Variants in MBNL3 observed in about 807,000 individuals in gnomAD.
MBNL3 encodes muscleblind-like protein 3.
MBNL3 carries 6 observed loss-of-function variants against 24.5 expected under a neutral mutation model. The observed-to-expected ratio is 0.25, with a 90% CI of 0.13 to 0.48. The LOEUF (loss-of-function observed/expected upper bound fraction) is 0.48, where lower values mean the gene tolerates loss of function less well. Ranked by LOEUF, MBNL3 falls within the 20% of genes least tolerant of loss-of-function variation. The probability of loss-of-function intolerance (pLI) is 0.99; values close to 1 mark genes in which losing one functional copy is unlikely to be tolerated. For synonymous variants in MBNL3, 100 were observed against 101.7 expected (o/e 0.98, Z 0.10); for missense variants, 230 against 293.5 (o/e 0.78, Z 1.58).
chrX:132,439,788 A>G lies in MBNL3; in HGVS notation c.-177T>C. ...AGTCAAATCTGGTCTAGTCAAACAA[A>G]AAGCCAATCATAAAAACTATCAGAA... On this transcript the variant is annotated 5_prime_UTR_variant, in exon 2 of 9. Coordinates refer to ENST00000370853, the MANE Select transcript of MBNL3 (RefSeq NM_001386889.1). 1.5e-6 allele frequency: 1 copy of G among 660,576 alleles called. No homozygotes were observed. The highest frequency in any genetic ancestry group is 2.0e-6 in the Non-Finnish European group (1 of 497,292). 54.4% of individuals were successfully genotyped at this position (660,576 alleles called of 1,213,427 possible). A position where few individuals can be genotyped will look rare whatever the true frequency, so the allele number is the denominator to read the frequency against.
intron 2 of MBNL3, chrX:132,432,167 C>T (rs181592849): frequency 4.5e-4 from 50 of 111,207 alleles, no homozygotes; most frequent in African/African-American, 1.6e-3. Context: ...TATATTTGCT[C>T]ATATGTATAT....
Position 132,378,007 on chromosome X carries a change from A to T in MBNL3, c.*1659T>A, listed in dbSNP as rs189773953. The T allele has an allele frequency of 9.0e-6, 1 of 110,596 alleles. No homozygotes were observed. The highest frequency in any genetic ancestry group is 2.8e-4 in the East Asian group (1 of 3,523). 9.1% of individuals were successfully genotyped at this position (110,596 alleles called of 1,213,427 possible). A position where few individuals can be genotyped will look rare whatever the true frequency, so the allele number is the denominator to read the frequency against. The stretch of plus-strand genomic sequence containing the variant: ...TTATTTGGTTGTAAAATTCTTTCAT[A>T]AATATTAGTAATGTGAACTCAGCTG... On this transcript the variant is annotated 3_prime_UTR_variant, in exon 9 of 9. Coordinates refer to ENST00000370853, the MANE Select transcript of MBNL3 (RefSeq NM_001386889.1).
At chrX:132,450,615 C>G (rs1893281291) in intron 1 of MBNL3, among the ~76,000 whole-genome samples, 1 of 112,190 alleles carries the variant, frequency 8.9e-6, no homozygotes, top group Non-Finnish European at 1.9e-5. Context: ...AGAACATGCT[C>G]CGTTAGCTTG....
chrX:132,480,237 G>A (rs923887781), intron 1 of MBNL3, among the ~76,000 whole-genome samples: 5 of 111,734 alleles, frequency 4.5e-5, no homozygotes, highest in African/African-American at 1.3e-4. Flanking sequence ...CACTCTTCAT[G>A]TATATTATTT....
intron 6 of MBNL3, 44 bp downstream of exon 6, chrX:132,386,617 C>T (rs141805193): frequency 8.3e-7 from 1 of 1,201,136 alleles, no homozygotes; most frequent in South Asian, 1.8e-5. Context: ...TATACATTCA[C>T]AACATCACCA....
At chrX:132,484,437 GAATA>G (rs1484487207) in intron 1 of MBNL3, among the ~76,000 whole-genome samples, 1 of 112,112 alleles carries the variant, frequency 8.9e-6, no homozygotes, top group Admixed American at 9.4e-5. Flanking sequence ...TCTGCTTAAT[GAATA>G]GTTACTGGTA....
Position 132,406,260 on chromosome X carries a change from G to A in MBNL3, c.310C>T (p.Leu104Phe), listed in dbSNP as rs1416535737. ...GACATTTGAGCGTTTTGGAGCATAAGCTGCATCTGCTGGGCGAACATGGCT... is the reference window on the plus strand; with the variant it reads ...GACATTTGAGCGTTTTGGAGCATAAACTGCATCTGCTGGGCGAACATGGCT... ...AAAMFAQQMQ[L>F]MLQNAQMSSL... The change falls in exon 3 of 9, where the codon CTT becomes TTT. Residue 104 changes from leucine to phenylalanine, a missense_variant. Transcript: ENST00000370853. 2 of 1,211,534 alleles carry A rather than the reference G, an allele frequency of 1.7e-6. No homozygotes were observed. The highest frequency in any genetic ancestry group is 2.3e-4 in the Middle Eastern group (1 of 4,351).
At chrX:132,467,082 C>T (rs1267484680) in intron 1 of MBNL3, among the ~76,000 whole-genome samples, 1 of 111,590 alleles carries the variant, frequency 9.0e-6, no homozygotes, top group Non-Finnish European at 1.9e-5. Flanking sequence ...ACTACTACCA[C>T]ACATTCAAAT....
intron 2 of MBNL3, among the ~76,000 whole-genome samples, chrX:132,423,667 T>C (rs1944034657): frequency 9.1e-6 from 1 of 110,277 alleles, no homozygotes; most frequent in South Asian, 3.8e-4. Context: ...CCCTTTCTCC[T>C]TTTTTCCTAA....
chrX:132,396,326 A>C (rs1423256784), intron 3 of MBNL3, among the ~76,000 whole-genome samples: 4 of 64,607 alleles, frequency 6.2e-5, no homozygotes, highest in Non-Finnish European at 1.0e-4. Context: ...ATATATATTC[A>C]TATATATTCA....
chrX:132,476,848 G>C (rs1947466737), intron 1 of MBNL3, among the ~76,000 whole-genome samples: 1 of 111,230 alleles, frequency 9.0e-6, no homozygotes, highest in Admixed American at 9.6e-5. Context: ...CCAAAACAAT[G>C]ACTAATTTTG....
chrX:132,399,210 A>C (rs1940396772), intron 3 of MBNL3, among the ~76,000 whole-genome samples: 1 of 112,007 alleles, frequency 8.9e-6, no homozygotes, highest in Non-Finnish European at 1.9e-5. Context: ...GAAATTGAAT[A>C]AATCCTTCAG....
At chrX:132,390,106 T>C (rs1936854487) in intron 5 of MBNL3, among the ~76,000 whole-genome samples, 1 of 107,851 alleles carries the variant, frequency 9.3e-6, no homozygotes, top group South Asian at 4.2e-4. Flanking sequence ...GGCTAGAGAA[T>C]TGCTTGAACC....
chrX:132,390,649 T>C (rs192394660), intron 5 of MBNL3, among the ~76,000 whole-genome samples, 198 bp downstream of exon 5: 1 of 111,933 alleles, frequency 8.9e-6, no homozygotes, highest in Admixed American at 9.5e-5. Context: ...AGTAAGGCTT[T>C]TAAATAATTA....
Position 132,450,395 on chromosome X carries a change from C to T in MBNL3, c.-703-10081G>A, listed in dbSNP as rs770059287. Among the ~76,000 whole-genome samples, 8 of 111,358 alleles carry T rather than the reference C, an allele frequency of 7.2e-5. No homozygotes were observed. In the South Asian group the frequency reaches 1.1e-3, roughly 16 times the overall value. ...TCTTTTTTCTCTAATCTTGTCTTCACGCTTTATTTCATTAAGTTGATCTTC... is the reference window on the plus strand; with the variant it reads ...TCTTTTTTCTCTAATCTTGTCTTCATGCTTTATTTCATTAAGTTGATCTTC... On this transcript the variant is annotated intron_variant, in intron 1 of 8. Coordinates refer to ENST00000370853, the MANE Select transcript of MBNL3 (RefSeq NM_001386889.1).
intron 3 of MBNL3, among the ~76,000 whole-genome samples, chrX:132,405,952 C>G (rs1478822545): frequency 9.2e-6 from 1 of 108,628 alleles, no homozygotes. Context: ...GAATTAATGT[C>G]CTAGAATTCA....
rs908388417 is a variant in MBNL3, at chrX:132,386,752, A to G, written c.831T>C (p.Asn277=). The G allele has an allele frequency of 8.3e-7, 1 of 1,211,154 alleles. No homozygotes were observed. Among genetic ancestry groups the G allele is most frequent in the Admixed American group, 2.2e-5 (1 of 46,019 alleles). The change falls in exon 6 of 9, where the codon AAT becomes AAC. Residue 277 remains asparagine (N), a synonymous_variant. Transcript: ENST00000370853. ...IPKRSALEKP[N]GATPVFNPTV... The stretch of plus-strand genomic sequence containing the variant: ...TGGGATTAAAGACCGGGGTGGCACC[A>G]TTGGGCTTTTCCAGTGCTGATCTCT...
intron 1 of MBNL3, among the ~76,000 whole-genome samples, chrX:132,453,605 TTATCTC>T (rs1342298939): frequency 1.8e-5 from 2 of 112,076 alleles, no homozygotes; most frequent in Admixed American, 9.5e-5. Context: ...TTTTCAATCT[TTATCTC>T]TATAATAGAA....
intron 1 of MBNL3, among the ~76,000 whole-genome samples, chrX:132,477,238 C>A (rs1269274077): frequency 8.9e-6 from 1 of 111,828 alleles, no homozygotes; most frequent in Non-Finnish European, 1.9e-5. Flanking sequence ...GCTAATTACA[C>A]AATCAGTAGA....
Sources: gnomAD v4.1 joint callset for allele counts (sites outside exome capture counted in the v4.1 genomes callset) on GRCh38, gnomAD v4.1.1 for gene constraint, MANE v1.5 for transcripts, NCBI Gene and HGNC (gene_info 2026-07-23, HGNC 2026-07-21) for gene names.